EHD1: variants seen among roughly 807,000 people sequenced by gnomAD.
The protein encoded by EHD1 is EH domain containing 1.
A neutral mutation model predicts 39.0 loss-of-function variants in EHD1; 19 were observed. The observed-to-expected ratio is 0.49, with a 90% confidence interval of 0.34 to 0.72. EHD1 has a LOEUF of 0.72. EHD1 is among the 30% of genes least tolerant of loss of function. The pLI is 0.01. For synonymous variants in EHD1, 323 were observed against 331.2 expected (o/e 0.98, Z 0.27); for missense variants, 542 against 751.5 (o/e 0.72, Z 3.26).
At position 64,851,897 on chromosome 11, in the gene EHD1, C is replaced by T. The variant is rs118039662; in HGVS notation, c.*2436G>A. On this transcript the variant is annotated 3_prime_UTR_variant, in exon 5 of 5. Transcript: ENST00000320631. ...CATGAACTTCCTCAGATCGTGACAG[C>T]GCAGCTCCACCTGGCACAGGGTGAA... The T allele has an allele frequency of 0.022, 3,300 of 152,330 alleles. 52 individuals carry two copies. Among genetic ancestry groups the T allele is most frequent in the Non-Finnish European group, 0.036 (2,448 of 68,032 alleles). The allele number at this position is 152,330 out of a possible 1,614,324, so 9.4% of individuals were successfully genotyped here. A position where few individuals can be genotyped will look rare whatever the true frequency, so the allele number is the denominator to read the frequency against.
intron 2 of EHD1, among the ~76,000 whole-genome samples, chr11:64,866,919 T>G (rs112117172): frequency 6.6e-6 from 1 of 151,760 alleles, no homozygotes; most frequent in East Asian, 1.9e-4. Context: ...AAAAGGAATA[T>G]AGAATGGGGA....
At chr11:64,863,642 C>T (rs1236298546) in intron 2 of EHD1, among the ~76,000 whole-genome samples, 1 of 152,238 alleles carries the variant, frequency 6.6e-6, no homozygotes, top group East Asian at 1.9e-4. Context: ...CCGCCTGCCC[C>T]GGCCCCAGGC....
intron 2 of EHD1, among the ~76,000 whole-genome samples, chr11:64,867,774 G>A (rs1943783931): frequency 6.6e-6 from 1 of 152,218 alleles, no homozygotes; most frequent in Non-Finnish European, 1.5e-5. Flanking sequence ...TATATGTTAG[G>A]TGTATTTTAT....
In EHD1 at chr11:64,854,319, G is replaced by A. The variant is rs1394972750; in HGVS notation, c.*14C>T. The A allele has an allele frequency of 2.5e-5, 39 of 1,590,852 alleles. No individual in the cohort carries two copies. The highest frequency in any genetic ancestry group is 2.7e-5 in the Non-Finnish European group (32 of 1,170,444). On this transcript the variant is annotated 3_prime_UTR_variant, in exon 5 of 5. Transcript: ENST00000320631. ...GGCCGGGCGTGCAAATGGCAGGTGC[G>A]GGGCCGGGCGCCATCACTCATGTCT... is the stretch of plus-strand genomic sequence containing the variant.
intron 1 of EHD1, among the ~76,000 whole-genome samples, chr11:64,877,487 C>G (rs1236860831): frequency 6.6e-6 from 1 of 152,166 alleles, no homozygotes; most frequent in Admixed American, 6.5e-5. Flanking sequence ...GAGAAGTGTT[C>G]GAACCTCAAC....
In EHD1 at chr11:64,868,940, T is replaced by C. The variant is rs749352201; in HGVS notation, c.502+5481A>G. Among the ~76,000 whole-genome samples, 21 of 152,188 alleles carry C rather than the reference T, an allele frequency of 1.4e-4. No homozygotes were observed. Among genetic ancestry groups the C allele is most frequent in the Non-Finnish European group, 8.8e-5 (6 of 68,028 alleles). On this transcript the variant is annotated intron_variant, in intron 2 of 4. Coordinates refer to ENST00000320631, the MANE Select transcript of EHD1 (RefSeq NM_006795.4). This position sits in a 1 kb window ranked among gnomAD's most constrained non-coding sequence, Gnocchi z 4.2. ...ACCTCTCAGAGCCTCGGTTCCCAGC[T>C]TCTCAGTCTGTAACACGAAGATAGT...
chr11:64,854,737 C>G lies in EHD1; in HGVS notation c.1201G>C (p.Glu401Gln), dbSNP rs1255537229. Residue 401 changes from glutamate (E) to glutamine (Q), a missense_variant, in exon 5 of 5, where the codon GAG (glutamate) becomes CAG (glutamine). Glu to Gln is a conservative substitution (Grantham distance 29). Coordinates refer to ENST00000320631, the MANE Select transcript of EHD1 (RefSeq NM_006795.4). ...ARLMVMVRQE[E>Q]SLMPSQVVKG... ...ACCACCTGGGAAGGCATCAGGGACTCCTCCTGCCGCACCATCACCATCAGC... is the reference window on the plus strand; with the variant it reads ...ACCACCTGGGAAGGCATCAGGGACTGCTCCTGCCGCACCATCACCATCAGC... 1.2e-6 allele frequency: 2 copies of G among 1,612,006 alleles called. No individual in the cohort carries two copies. The highest frequency in any genetic ancestry group is 1.7e-6 in the Non-Finnish European group (2 of 1,179,998).
intron 3 of EHD1, among the ~76,000 whole-genome samples, chr11:64,859,297 A>C (rs1438715311): frequency 1.3e-5 from 2 of 152,216 alleles, no homozygotes; most frequent in Non-Finnish European, 2.9e-5. Context: ...AGGTGGGCAG[A>C]TCACCTGAGA....
In EHD1 at chr11:64,852,719, A is replaced by C. The variant is rs568926303; in HGVS notation, c.*1614T>G. ...CTGCTGCCCCTGGAAAAGACAAGGA[A>C]GCACCCGAAGCTTTCGCACAGTTCA... On this transcript the variant is annotated 3_prime_UTR_variant, in exon 5 of 5. Transcript: ENST00000320631. 6.5e-6 allele frequency: 1 copy of C among 152,774 alleles called. No individual in the cohort carries two copies. The highest frequency in any genetic ancestry group is 2.1e-4 in the South Asian group (1 of 4,832). The allele number at this position is 152,774 out of a possible 1,614,324, so 9.5% of individuals were successfully genotyped here.
chr11:64,878,255 G>A lies in EHD1; in HGVS notation c.210C>T (p.Gly70=). Residue 70 remains glycine, a synonymous_variant, in exon 1 of 5, where the codon GGC becomes GGT. Coordinates refer to ENST00000320631, the MANE Select transcript of EHD1 (RefSeq NM_006795.4). ...MVLLVGQYST[G]KTTFIRHLIE... is the part of the protein sequence containing the mutation. ...TCAGGTGTCGGATGAAGGTGGTCTT[G>A]CCCGTGCTGTACTGCCCCACGAGGA... The A allele has an allele frequency of 6.2e-7, 1 of 1,614,170 alleles. No homozygotes were observed. The highest frequency in any genetic ancestry group is 8.5e-7 in the Non-Finnish European group (1 of 1,180,024).
At chr11:64,865,211 C>T (rs2136487781) in intron 2 of EHD1, among the ~76,000 whole-genome samples, 1 of 152,400 alleles carries the variant, frequency 6.6e-6, no homozygotes, top group African/African-American at 2.4e-5. Context: ...GACCACGTAA[C>T]TGCACGCCCC....
intron 3 of EHD1, among the ~76,000 whole-genome samples, chr11:64,858,276 G>A (rs1028325485): frequency 6.6e-6 from 1 of 150,666 alleles, no homozygotes; most frequent in Non-Finnish European, 1.5e-5. Flanking sequence ...CTCCCTCCTG[G>A]GTTCAAGTGA....
In EHD1 at chr11:64,853,175, A is replaced by C. The variant is rs1333541565; in HGVS notation, c.*1158T>G. The C allele has an allele frequency of 6.6e-6, 1 of 152,290 alleles. No homozygotes were observed. Among genetic ancestry groups the C allele is most frequent in the Non-Finnish European group, 1.5e-5 (1 of 68,078 alleles). The allele number at this position is 152,290 out of a possible 1,614,324, so 9.4% of individuals were successfully genotyped here. A position where few individuals can be genotyped will look rare whatever the true frequency, so the allele number is the denominator to read the frequency against. ...CAACCTGGGGGCCAGGGGCGTTGTA[A>C]GGACATCCAAGTGAGCTGCCCTCCT... On this transcript the variant is annotated 3_prime_UTR_variant, in exon 5 of 5. Coordinates refer to ENST00000320631, the MANE Select transcript of EHD1 (RefSeq NM_006795.4).
At position 64,860,056 on chromosome 11, in the gene EHD1, C is replaced by T. The variant is rs761790920; in HGVS notation, c.783G>A (p.Pro261=). The T allele has an allele frequency of 9.9e-6, 16 of 1,614,094 alleles. No individual in the cohort carries two copies. The highest frequency in any genetic ancestry group is 1.6e-4 in the Middle Eastern group (1 of 6,062). The change falls in exon 3 of 5, where the codon CCG becomes CCA. Residue 261 remains proline, a synonymous_variant. Transcript: ENST00000320631. ...RVYIGSFWSH[P]LLIPDNRKLF... ...GCTTGCGGTTGTCGGGGATGAGGAGCGGGTGGGACCAGAAGGAGCCGATGT... is the reference window on the plus strand; with the variant it reads ...GCTTGCGGTTGTCGGGGATGAGGAGTGGGTGGGACCAGAAGGAGCCGATGT...
chr11:64,872,247 G>C (rs531847121), intron 2 of EHD1, among the ~76,000 whole-genome samples: 14 of 152,194 alleles, frequency 9.2e-5, no homozygotes, highest in African/African-American at 3.4e-4. Context: ...GATCACCTGA[G>C]GTCAGGAGTT....
intron 1 of EHD1, 97 bp downstream of exon 1, chr11:64,877,964 C>T (rs1285357111): frequency 2.3e-6 from 3 of 1,312,916 alleles, no homozygotes; most frequent in African/African-American, 1.5e-5. Flanking sequence ...GCCTCGGAGA[C>T]AAAGGACGGC....
rs1425369768 is a variant in EHD1 at position 64,868,662 on chromosome 11, G to GTGAC, written c.502+5755_502+5758dup. On this transcript the variant is annotated intron_variant, in intron 2 of 4. Transcript: ENST00000320631. This position sits in a 1 kb window ranked among gnomAD's most constrained non-coding sequence, Gnocchi z 4.2. ...GTCAGTGGGCTGCCTGGGACCAGGA[G>GTGAC]TGACTATGAGGGGCACGGGAACTTT... Among the ~76,000 whole-genome samples the GTGAC allele has an allele frequency of 6.6e-6, 1 of 152,260 alleles. No homozygotes were observed. The highest frequency in any genetic ancestry group is 1.9e-4 in the East Asian group (1 of 5,202).
intron 2 of EHD1, among the ~76,000 whole-genome samples, chr11:64,871,206 G>T (rs1347577446): frequency 5.9e-5 from 9 of 152,218 alleles, no homozygotes; most frequent in Non-Finnish European, 1.3e-4. Context: ...CAGGCCAGGG[G>T]AGGCGTGTTG....
Position 64,853,954 on chromosome 11 carries a change from A to C in EHD1, c.*379T>G. 1 of 270,384 alleles carries C rather than the reference A, an allele frequency of 3.7e-6. No homozygotes were observed. 16.7% of individuals were successfully genotyped at this position (270,384 alleles called of 1,614,324 possible). A position where few individuals can be genotyped will look rare whatever the true frequency, so the allele number is the denominator to read the frequency against. On this transcript the variant is annotated 3_prime_UTR_variant, in exon 5 of 5. Transcript: ENST00000320631. ...GTTCCTGTCCATGCAGCCTCAGCCTAGCAGCTGCCAAAAGGGCGACCTGGC... is the reference window on the plus strand; with the variant it reads ...GTTCCTGTCCATGCAGCCTCAGCCTCGCAGCTGCCAAAAGGGCGACCTGGC...
Sources: allele counts gnomAD v4.1 joint callset (sites outside exome capture counted in the v4.1 genomes callset), GRCh38; gene constraint gnomAD v4.1.1; non-coding constraint Gnocchi (gnomAD v3.1); transcripts MANE v1.5; gene names NCBI Gene and HGNC (gene_info 2026-07-23, HGNC 2026-07-21).